CEP128: variants seen among roughly 807,000 people sequenced by gnomAD.
The protein encoded by CEP128 is centrosomal protein 128.
Under a neutral mutation model 156.7 loss-of-function variants are expected in CEP128, and 132 were observed. The observed-to-expected ratio is 0.84, with a 90% CI of 0.73 to 0.97. The LOEUF (loss-of-function observed/expected upper bound fraction) is 0.97, where lower values mean the gene tolerates loss of function less well. CEP128 is among the 50% of genes least tolerant of loss of function. CEP128 has a pLI of 0.00. For synonymous variants in CEP128, 469 were observed against 448.9 expected (o/e 1.04, Z -0.57); for missense variants, 1,252 against 1,281.9 (o/e 0.98, Z 0.36).
At chr14:80,699,531 T>G (rs1295171044) in intron 19 of CEP128, among the ~76,000 whole-genome samples, 1 of 152,166 alleles carries the variant, frequency 6.6e-6, no homozygotes, top group Non-Finnish European at 1.5e-5. Flanking sequence ...ATGAACAAAA[T>G]TATTGACATT....
At chr14:80,900,081 A>G (rs1309182847) in intron 6 of CEP128, 52 bp from the exon 7 acceptor site, 1 of 1,128,966 alleles carries the variant, frequency 8.9e-7, no homozygotes, top group Non-Finnish European at 1.3e-6. Context: ...GAATTCTTCC[A>G]TGAAGATTCA....
At chr14:80,679,857 A>G (rs1044962863) in intron 19 of CEP128, among the ~76,000 whole-genome samples, 4 of 152,100 alleles carry the variant, frequency 2.6e-5, no homozygotes, top group Non-Finnish European at 5.9e-5. Flanking sequence ...TCCTACCAAT[A>G]TGTGATGTCA....
chr14:80,534,381 T>C (rs971479583), intron 21 of CEP128, among the ~76,000 whole-genome samples: 4 of 152,186 alleles, frequency 2.6e-5, no homozygotes, highest in African/African-American at 9.7e-5. Flanking sequence ...CTTGCTGTAT[T>C]TCAGAGATGT....
intron 13 of CEP128, 48 bp from the exon 14 acceptor site, chr14:80,793,158 T>A (rs754632142): frequency 1.4e-6 from 2 of 1,444,866 alleles, no homozygotes; most frequent in Admixed American, 3.6e-5. Context: ...TTGTCAAAAT[T>A]GGATGTGTAG....
chr14:80,629,002 A>G (rs1387941145), intron 19 of CEP128, among the ~76,000 whole-genome samples: 1 of 152,012 alleles, frequency 6.6e-6, no homozygotes, highest in Non-Finnish European at 1.5e-5. Context: ...TTAGTTCCTA[A>G]GTGAATAAAT....
chr14:80,486,302 G>T (rs1260481782), downstream of CEP128, among the ~76,000 whole-genome samples: 1 of 152,074 alleles, frequency 6.6e-6, no homozygotes, highest in Non-Finnish European at 1.5e-5. Context: ...AATGAAGCGA[G>T]AAGGGAAGTT....
In CEP128 at chr14:80,862,854, C is replaced by T. The variant is rs114668642; in HGVS notation, c.665G>A (p.Arg222Gln). Reference protein sequence around the residue: ...KQEVVSDRVERRLQELEREMR... With the variant: ...KQEVVSDRVEQRLQELEREMR... Reference sequence around the variant, plus strand: ...CTCTCTCTCCAGTTCCTGAAGCCGCCGCTCCACCCGATCTGAAACCTTAAT... The same window carrying T: ...CTCTCTCTCCAGTTCCTGAAGCCGCTGCTCCACCCGATCTGAAACCTTAAT... Residue 222 changes from arginine (R) to glutamine (Q), a missense_variant, in exon 9 of 25, where the codon CGG (arginine) becomes CAG (glutamine). By Grantham distance (43) the Arg-to-Gln change is conservative. Coordinates refer to ENST00000555265, the MANE Select transcript of CEP128 (RefSeq NM_152446.5). 4.9e-4 allele frequency: 787 copies of T among 1,613,660 alleles called. 11 individuals are homozygous for T. In the East Asian group the frequency reaches 0.016, roughly 34 times the overall value.
chr14:80,820,638 C>T (rs887344680), intron 13 of CEP128, among the ~76,000 whole-genome samples: 5 of 152,088 alleles, frequency 3.3e-5, no homozygotes, highest in South Asian at 2.1e-4. Context: ...AACTTGCCTC[C>T]GCAACAAAAT....
At chr14:80,745,016 T>A (rs199839429) in intron 18 of CEP128, among the ~76,000 whole-genome samples, 1 of 152,158 alleles carries the variant, frequency 6.6e-6, no homozygotes, top group African/African-American at 2.4e-5. Context: ...AAAATGAACA[T>A]CATGATTAAT....
At chr14:80,695,171 A>G (rs1483917707) in intron 19 of CEP128, among the ~76,000 whole-genome samples, 2 of 151,954 alleles carry the variant, frequency 1.3e-5, no homozygotes, top group African/African-American at 2.4e-5. Context: ...GTTGCCCATC[A>G]TGGGAAAATG....
chr14:80,563,694 C>T (rs1890794420), intron 20 of CEP128, among the ~76,000 whole-genome samples: 1 of 151,788 alleles, frequency 6.6e-6, no homozygotes, highest in African/African-American at 2.4e-5. Flanking sequence ...GCCACCACAC[C>T]CAGCTAATTT....
chr14:80,808,003 C>A (rs1884282381), intron 13 of CEP128, among the ~76,000 whole-genome samples: 2 of 152,110 alleles, frequency 1.3e-5, no homozygotes, highest in Admixed American at 6.5e-5. Flanking sequence ...AAAAAGCAGC[C>A]CCTGAAACAA....
chr14:80,924,102 T>C (rs1885022392), intron 2 of CEP128, among the ~76,000 whole-genome samples: 1 of 152,192 alleles, frequency 6.6e-6, no homozygotes, highest in South Asian at 2.1e-4. Flanking sequence ...AATTACCCAA[T>C]CTCATGTCAT....
chr14:80,943,522 A>G (rs1338277230), upstream of CEP128, among the ~76,000 whole-genome samples: 1 of 152,226 alleles, frequency 6.6e-6, no homozygotes, highest in Non-Finnish European at 1.5e-5. Context: ...TTATTTTTCA[A>G]AGTGATATTA....
intron 4 of CEP128, among the ~76,000 whole-genome samples, chr14:80,909,698 T>C (rs1884095782): frequency 1.3e-5 from 2 of 151,932 alleles, no homozygotes; most frequent in South Asian, 4.2e-4. Context: ...AAAAATGTAA[T>C]AGAATTAAAA....
intron 19 of CEP128, among the ~76,000 whole-genome samples, chr14:80,713,482 A>C (rs1302171218): frequency 6.6e-6 from 1 of 152,028 alleles, no homozygotes; most frequent in Admixed American, 6.6e-5. Flanking sequence ...TCAGAGTCCA[A>C]CTTAAATACT....
chr14:80,958,313 A>G (rs1886819375), intron 1 of CEP128: 2 of 152,162 alleles, frequency 1.3e-5, no homozygotes, highest in South Asian at 4.1e-4. Context: ...AAATGAAGTA[A>G]TTTGCTCAAT....
intron 4 of CEP128, among the ~76,000 whole-genome samples, chr14:80,910,419 G>A (rs926135180): frequency 1.3e-5 from 2 of 152,128 alleles, no homozygotes; most frequent in East Asian, 1.9e-4. Flanking sequence ...ATCCCCGCTT[G>A]GTACTGTATA....
At chr14:80,663,536 A>G (rs1412207518) in intron 19 of CEP128, among the ~76,000 whole-genome samples, 1 of 152,202 alleles carries the variant, frequency 6.6e-6, no homozygotes, top group African/African-American at 2.4e-5. Flanking sequence ...ACCTTCCGAT[A>G]ATAATAATAA....
Sources: gnomAD v4.1 joint callset for allele counts (sites outside exome capture counted in the v4.1 genomes callset) on GRCh38, gnomAD v4.1.1 for gene constraint, MANE v1.5 for transcripts, NCBI Gene and HGNC (gene_info 2026-07-23, HGNC 2026-07-21) for gene names.